The following ROBO1 variants were observed in gnomAD, a reference collection of about 807,000 sequenced individuals.
The protein encoded by ROBO1 is roundabout guidance receptor 1.
In ROBO1, 149 loss-of-function variants were observed where a neutral mutation model predicts 195.9. That is an observed-to-expected ratio of 0.76 (90% CI 0.67 to 0.87). ROBO1 has a LOEUF of 0.87. Among genes scored for constraint, ROBO1 ranks in the 40% least tolerant of loss-of-function variants. The pLI, the probability that ROBO1 is intolerant of heterozygous loss-of-function variation, is 0.00. For missense variants in ROBO1, 1,933 were observed against 2,068.3 expected, an observed-to-expected ratio of 0.93 and a Z score of 1.27; for synonymous variants, 816 against 733.2, an observed-to-expected ratio of 1.11 and a Z score of -1.82.
intron 2 of ROBO1, among the ~76,000 whole-genome samples, chr3:79,163,524 A>G (rs1202033095): frequency 6.6e-6 from 1 of 152,108 alleles, no homozygotes; most frequent in African/African-American, 2.4e-5. Flanking sequence ...ACTGCCTTCT[A>G]TTCTTTTGGG....
chr3:78,776,890 T>C (rs2083523532), intron 4 of ROBO1, among the ~76,000 whole-genome samples: 1 of 152,134 alleles, frequency 6.6e-6, no homozygotes, highest in Non-Finnish European at 1.5e-5. Flanking sequence ...ATGAGAGAAT[T>C]ATTGTGAGGA....
chr3:79,176,986 A>G (rs1198659726), intron 2 of ROBO1, among the ~76,000 whole-genome samples: 1 of 152,238 alleles, frequency 6.6e-6, no homozygotes, highest in Non-Finnish European at 1.5e-5. Flanking sequence ...AATACAAAAT[A>G]ACGGCAAGAC....
intron 2 of ROBO1, among the ~76,000 whole-genome samples, chr3:79,519,294 C>T (rs140003754): frequency 1.4e-4 from 21 of 152,152 alleles, no homozygotes; most frequent in African/African-American, 3.9e-4. Flanking sequence ...AAGCATGTCA[C>T]GTGGCCAAAC....
intron 4 of ROBO1, among the ~76,000 whole-genome samples, chr3:78,935,327 A>C (rs1408454123): frequency 2.6e-5 from 4 of 152,050 alleles, no homozygotes; most frequent in Non-Finnish European, 5.9e-5. Flanking sequence ...AAATGGAAAC[A>C]AATAGCCATA....
intron 18 of ROBO1, among the ~76,000 whole-genome samples, chr3:78,656,240 T>C (rs1160782658): frequency 1.3e-5 from 2 of 152,084 alleles, no homozygotes; most frequent in African/African-American, 2.4e-5. Context: ...TTTGTTATAA[T>C]AAACAATTAC....
At chr3:79,411,470 A>G (rs547813361) in intron 2 of ROBO1, among the ~76,000 whole-genome samples, 1 of 152,276 alleles carries the variant, frequency 6.6e-6, no homozygotes. Context: ...TTCTAATCAG[A>G]GTCTCTGTAA....
At chr3:79,326,546 C>T (rs1188112972) in intron 2 of ROBO1, among the ~76,000 whole-genome samples, 6 of 151,994 alleles carry the variant, frequency 3.9e-5, no homozygotes, top group African/African-American at 9.7e-5. Flanking sequence ...GAGTTTTAAA[C>T]GTTTGAAAGG....
At chr3:79,170,683 A>T (rs77556294) in intron 2 of ROBO1, among the ~76,000 whole-genome samples, 8,600 of 152,150 alleles carry the variant, frequency 0.057, 327 homozygotes, top group Middle Eastern at 0.099. Context: ...TACAGATGTT[A>T]TTATTACCAG....
At chr3:78,734,126 G>C (rs959775630) in intron 5 of ROBO1, among the ~76,000 whole-genome samples, 1 of 152,038 alleles carries the variant, frequency 6.6e-6, no homozygotes, top group Admixed American at 6.6e-5. Context: ...AATAGATCAT[G>C]GATGCTAACT....
At chr3:78,969,510 A>C (rs1448470585) in intron 3 of ROBO1, among the ~76,000 whole-genome samples, 2 of 152,216 alleles carry the variant, frequency 1.3e-5, no homozygotes, top group African/African-American at 4.8e-5. Flanking sequence ...ACTCTAGATC[A>C]GGGTATTTGA....
rs563387902 is a variant in ROBO1 at position 79,119,255 on chromosome 3, C to T, written c.172+6201G>A. Among the ~76,000 whole-genome samples, 247 of 152,218 alleles carry T rather than the reference C, an allele frequency of 1.6e-3. 2 individuals carry two copies. Among genetic ancestry groups the T allele is most frequent in the African/African-American group, 5.4e-3 (225 of 41,544 alleles). The stretch of plus-strand genomic sequence containing the variant: ...TCACAGACTCCAATTATTGTTAGAG[C>T]TTAATTTACTTTTTAATGCTCAAAT... On this transcript the variant is annotated intron_variant, in intron 3 of 30. Coordinates refer to ENST00000464233, the MANE Select transcript of ROBO1 (RefSeq NM_002941.4).
intron 2 of ROBO1, among the ~76,000 whole-genome samples, chr3:79,563,190 C>A (rs1942981377): frequency 6.6e-6 from 1 of 151,948 alleles, no homozygotes; most frequent in Non-Finnish European, 1.5e-5. Flanking sequence ...CCTATTGCAA[C>A]CCCCTTCAAC....
At chr3:78,826,990 C>A (rs1446112589) in intron 4 of ROBO1, among the ~76,000 whole-genome samples, 2 of 151,952 alleles carry the variant, frequency 1.3e-5, no homozygotes, top group African/African-American at 4.8e-5. Flanking sequence ...CTTATACGTA[C>A]TTAAATTTTA....
intron 2 of ROBO1, among the ~76,000 whole-genome samples, chr3:79,156,940 A>G (rs1329033381): frequency 6.6e-6 from 1 of 151,814 alleles, no homozygotes; most frequent in Non-Finnish European, 1.5e-5. Context: ...TCATCTAGTT[A>G]TGGATTCTTT....
intron 4 of ROBO1, among the ~76,000 whole-genome samples, chr3:78,760,896 C>G (rs1368162640): frequency 6.6e-6 from 1 of 152,106 alleles, no homozygotes; most frequent in Non-Finnish European, 1.5e-5. Context: ...CCTGCCTCAG[C>G]CTCCCATATG....
intron 1 of ROBO1, among the ~76,000 whole-genome samples, chr3:79,591,466 A>G (rs1943998131): frequency 6.6e-6 from 1 of 151,848 alleles, no homozygotes; most frequent in Non-Finnish European, 1.5e-5. Context: ...TTCTGTAAGC[A>G]ACTTTGATCT....
At chr3:79,083,556 T>C (rs2079313817) in intron 3 of ROBO1, among the ~76,000 whole-genome samples, 1 of 152,168 alleles carries the variant, frequency 6.6e-6, no homozygotes, top group Admixed American at 6.5e-5. Context: ...GAAATAAACA[T>C]TCAACCACAA....
At position 78,597,951 on chromosome 3, in the gene ROBO1, A is replaced by C. The variant is rs1575748606; in HGVS notation, c.*962T>G. 2.2e-5 allele frequency: 1 copy of C among 46,024 alleles called. No individual in the cohort carries two copies. Among genetic ancestry groups the C allele is most frequent in the Admixed American group, 1.7e-4 (1 of 5,822 alleles). 2.9% of individuals were successfully genotyped at this position (46,024 alleles called of 1,614,324 possible). On this transcript the variant is annotated 3_prime_UTR_variant, in exon 31 of 31. Transcript: ENST00000464233. Reference sequence around the variant, plus strand: ...GTTTAGTGATTGTGCTTTTAAAACCAAAAAAAAAAAAAAAAAGAGAGAGAG... The same window carrying C: ...GTTTAGTGATTGTGCTTTTAAAACCCAAAAAAAAAAAAAAAAGAGAGAGAG...
chr3:78,676,940 C>T (rs1708471982), intron 10 of ROBO1, among the ~76,000 whole-genome samples: 1 of 152,192 alleles, frequency 6.6e-6, no homozygotes, highest in East Asian at 1.9e-4. Flanking sequence ...GTCAGGTTAC[C>T]CACAAAGGGA....
Sources: gnomAD v4.1 joint callset for allele counts (sites outside exome capture counted in the v4.1 genomes callset) on GRCh38, gnomAD v4.1.1 for gene constraint, MANE v1.5 for transcripts, NCBI Gene and HGNC (gene_info 2026-07-23, HGNC 2026-07-21) for gene names.